The following KANK4 variants were observed in gnomAD, a reference collection of about 807,000 sequenced individuals.
The protein encoded by KANK4 is KN motif and ankyrin repeat domain-containing protein 4.
KANK4 carries 50 observed loss-of-function variants against 80.8 expected under a neutral mutation model. The ratio of observed to expected loss-of-function variants is 0.62; its 90% confidence interval spans 0.49 to 0.78. KANK4 has a LOEUF of 0.78. Among genes scored for constraint, KANK4 ranks in the 30% least tolerant of loss-of-function variants. The pLI is 0.00. For missense variants in KANK4, 1,196 were observed against 1,240.1 expected (o/e 0.96, Z 0.53); for synonymous variants, 465 against 506.9 (o/e 0.92, Z 1.11).
At chr1:62,258,576 G>A (rs1671803898) in intron 7 of KANK4, among the ~76,000 whole-genome samples, 1 of 152,156 alleles carries the variant, frequency 6.6e-6, no homozygotes, top group African/African-American at 2.4e-5. Flanking sequence ...TTGAAGACTT[G>A]GAAGTTTACT....
At chr1:62,299,571 G>A (rs533472510) in intron 1 of KANK4, among the ~76,000 whole-genome samples, 3 of 152,210 alleles carry the variant, frequency 2.0e-5, no homozygotes, top group South Asian at 2.1e-4. Flanking sequence ...GAGAAGGGGC[G>A]GGACCAGGTT....
At chr1:62,289,293 C>T (rs1261528234) in intron 1 of KANK4, among the ~76,000 whole-genome samples, 1 of 152,182 alleles carries the variant, frequency 6.6e-6, no homozygotes, top group South Asian at 2.1e-4. Context: ...AAGCACTTGC[C>T]CAGGTATCGA....
At chr1:62,264,974 G>T (rs942130819) in intron 6 of KANK4, among the ~76,000 whole-genome samples, 6 of 152,168 alleles carry the variant, frequency 3.9e-5, no homozygotes, top group African/African-American at 1.4e-4. Context: ...TGGGATTATA[G>T]GCGCGGGCCA....
At chr1:62,316,274 G>C (rs899415936) in intron 1 of KANK4, among the ~76,000 whole-genome samples, 14 of 152,218 alleles carry the variant, frequency 9.2e-5, no homozygotes, top group African/African-American at 3.4e-4. Context: ...GAACAGGCCA[G>C]GGAGAGGGCC....
chr1:62,281,693 G>A, intron 1 of KANK4, 59 bp from the exon 2 acceptor site: 1 of 1,067,790 alleles, frequency 9.4e-7, no homozygotes, highest in Non-Finnish European at 1.5e-6. Flanking sequence ...TAAGTATTGG[G>A]GAAACACAGC....
At chr1:62,317,741 A>G (rs1644553871) in intron 1 of KANK4, among the ~76,000 whole-genome samples, 1 of 152,030 alleles carries the variant, frequency 6.6e-6, no homozygotes, top group Non-Finnish European at 1.5e-5. Context: ...CTTTCAAAGA[A>G]CTCAGCACTG....
intron 9 of KANK4, among the ~76,000 whole-genome samples, chr1:62,238,709 A>G (rs2149110806): frequency 6.6e-6 from 1 of 150,612 alleles, no homozygotes; most frequent in Admixed American, 6.7e-5. Context: ...AGCTCACTGC[A>G]ACCTCCGTCT....
chr1:62,256,495 C>T (rs754302743), intron 7 of KANK4, among the ~76,000 whole-genome samples: 14 of 151,984 alleles, frequency 9.2e-5, no homozygotes, highest in Non-Finnish European at 1.5e-4. Context: ...AAGCAATTTT[C>T]CTGCCTCAGC....
intron 1 of KANK4, among the ~76,000 whole-genome samples, chr1:62,317,863 G>A (rs769141470): frequency 8.5e-5 from 13 of 152,174 alleles, no homozygotes; most frequent in Non-Finnish European, 1.0e-4. Flanking sequence ...ACCTCACTAC[G>A]TTGACCAGTG....
rs558691547 is a variant in KANK4, at chr1:62,236,436, A to AT, written c.*1840dup. Among the ~76,000 whole-genome samples the AT allele has an allele frequency of 6.1e-4, 92 of 151,852 alleles. 1 individual carries two copies. Among genetic ancestry groups the AT allele is most frequent in the Middle Eastern group, 6.8e-3 (2 of 294 alleles). ...AGGTCAAAATAAACTCATTTAAAGC[A>AT]TTTTTTTTCTCATTATTTGCTCCAT... is the stretch of plus-strand genomic sequence containing the variant. On this transcript the variant is annotated 3_prime_UTR_variant, in exon 10 of 10. Transcript: ENST00000371153.
At position 62,274,467 on chromosome 1, in the gene KANK4, A is replaced by T. The variant is rs776919725; in HGVS notation, c.637T>A (p.Phe213Ile). ...GATGCTCGTGGGCTGGAGCTGTGGAAACCTGCCAATCCTTCTGCAGGTTCA... is the reference window on the plus strand; with the variant it reads ...GATGCTCGTGGGCTGGAGCTGTGGATACCTGCCAATCCTTCTGCAGGTTCA... ...TFEPAEGLAG[F>I]HSSSPRASTR... Residue 213 changes from phenylalanine to isoleucine, a missense_variant, in exon 3 of 10, where the codon TTC becomes ATC. By Grantham distance (21) the Phe-to-Ile change is conservative. Transcript: ENST00000371153. 8 of 1,614,038 alleles carry T rather than the reference A, an allele frequency of 5.0e-6. No individual in the cohort carries two copies. In the Admixed American group the frequency reaches 1.3e-4, roughly 27 times the overall value.
chr1:62,249,840 G>A (rs934969271), intron 8 of KANK4, among the ~76,000 whole-genome samples: 22 of 151,726 alleles, frequency 1.4e-4, no homozygotes, highest in African/African-American at 5.3e-4. Flanking sequence ...ACCGCACCCA[G>A]CACATCTGGT....
intron 1 of KANK4, among the ~76,000 whole-genome samples, chr1:62,302,515 C>T (rs755418721): frequency 6.6e-6 from 1 of 151,928 alleles, no homozygotes; most frequent in African/African-American, 2.4e-5. Flanking sequence ...CTCTAAAATT[C>T]GTATGTTGAA....
chr1:62,315,757 T>TAA (rs1266802850), intron 1 of KANK4, among the ~76,000 whole-genome samples: 3 of 152,072 alleles, frequency 2.0e-5, no homozygotes, highest in Non-Finnish European at 4.4e-5. Context: ...CAAAAATAAA[T>TAA]AAATAAAAGT....
intron 9 of KANK4, 136 bp downstream of exon 9, chr1:62,247,336 C>G (rs1671490305): frequency 1.5e-5 from 10 of 672,832 alleles, no homozygotes; most frequent in Non-Finnish European, 2.6e-5. Context: ...ATGGGGGTCT[C>G]CCTATGTTGC....
At chr1:62,310,300 C>T (rs990358145) in intron 1 of KANK4, among the ~76,000 whole-genome samples, 2 of 152,160 alleles carry the variant, frequency 1.3e-5, no homozygotes, top group African/African-American at 4.8e-5. Flanking sequence ...AAGGTTTCTT[C>T]CACCCTCAAC....
chr1:62,239,103 T>C (rs1488145390), intron 9 of KANK4, among the ~76,000 whole-genome samples: 4 of 151,992 alleles, frequency 2.6e-5, no homozygotes, highest in African/African-American at 9.7e-5. Flanking sequence ...TGTCTCACTA[T>C]GTTGCCCAGG....
At chr1:62,280,957 C>T (rs1194654522) in intron 2 of KANK4, among the ~76,000 whole-genome samples, 1 of 152,168 alleles carries the variant, frequency 6.6e-6, no homozygotes, top group African/African-American at 2.4e-5. Flanking sequence ...ATTATCTGCA[C>T]ATTGGAGTCA....
rs1671666589 is a variant in KANK4 at position 62,253,273 on chromosome 1, G to C, written c.2540-64C>G. The C allele has an allele frequency of 9.2e-6, 14 of 1,514,760 alleles. No homozygotes were observed. The South Asian group carries it at 1.7e-4, about 19-fold the overall frequency. The allele number at this position is 1,514,760 out of a possible 1,614,324, so 93.8% of individuals were successfully genotyped here. On this transcript the variant is annotated intron_variant, in intron 7 of 9. Coordinates refer to ENST00000371153, the MANE Select transcript of KANK4 (RefSeq NM_181712.5). ...GGGCCAGGAGCCAGACTCCACTTTA[G>C]CCGTTTCAATGGGACACTGCTCGCT... is the stretch of plus-strand genomic sequence containing the variant.
Sources: allele counts gnomAD v4.1 joint callset (sites outside exome capture counted in the v4.1 genomes callset), GRCh38; gene constraint gnomAD v4.1.1; transcripts MANE v1.5; gene names NCBI Gene and HGNC (gene_info 2026-07-23, HGNC 2026-07-21).